OSBPL5: variants seen among roughly 807,000 people sequenced by gnomAD.
OSBPL5 encodes the protein oxysterol-binding protein-related protein 5.
A neutral mutation model predicts 111.2 loss-of-function variants in OSBPL5; 71 were observed. That is an observed-to-expected ratio of 0.64 (90% CI 0.53 to 0.78). OSBPL5 has a LOEUF of 0.78. OSBPL5 is among the 30% of genes least tolerant of loss of function. OSBPL5 has a pLI of 0.00. For synonymous variants in OSBPL5, 549 were observed against 513.9 expected (o/e 1.07, Z -0.93); for missense variants, 1,210 against 1,189.3 (o/e 1.02, Z -0.26).
In OSBPL5 at chr11:3,136,784, G is replaced by A. The variant is rs373936680; in HGVS notation, c.-21-7615C>T. Reference sequence around the variant, plus strand: ...GCCCAGAGTGACAGGGCTGGGCCGCGCTGCATGGGGGCAGAGAGGAGGCTC... The same window carrying A: ...GCCCAGAGTGACAGGGCTGGGCCGCACTGCATGGGGGCAGAGAGGAGGCTC... On this transcript the variant is annotated intron_variant, in intron 1 of 21. Transcript: ENST00000263650. Among the ~76,000 whole-genome samples the A allele has an allele frequency of 2.0e-5, 3 of 152,344 alleles. No homozygotes were observed. The South Asian group carries it at 6.2e-4, about 32-fold the overall frequency.
At chr11:3,160,039 T>A (rs1846907737) in intron 1 of OSBPL5, among the ~76,000 whole-genome samples, 1 of 152,020 alleles carries the variant, frequency 6.6e-6, no homozygotes, top group African/African-American at 2.4e-5. Flanking sequence ...CCCAGCCCCC[T>A]CCCTGCCCTG....
intron 1 of OSBPL5, among the ~76,000 whole-genome samples, chr11:3,133,836 G>A (rs1209669541): frequency 1.3e-5 from 2 of 152,244 alleles, no homozygotes; most frequent in African/African-American, 4.8e-5. Context: ...AAGAGGAAGT[G>A]TGGGCAATTC....
Position 3,093,937 on chromosome 11 carries a change from G to A in OSBPL5, c.1720-102C>T, listed in dbSNP as rs1391340458. 9 of 1,414,200 alleles carry A rather than the reference G, an allele frequency of 6.4e-6. No individual in the cohort carries two copies. In the Admixed American group the frequency reaches 8.1e-5, roughly 13 times the overall value. The allele number at this position is 1,414,200 out of a possible 1,614,324, so 87.6% of individuals were successfully genotyped here. On this transcript the variant is annotated intron_variant, in intron 15 of 21. Transcript: ENST00000263650. ...GAACAGTTATTCTCTTGGGGTGCCT[G>A]GGAGCCCAGGAGGGATGGACCCAAC...
rs193066227 is a variant in OSBPL5, at chr11:3,131,637, G to A, written c.-21-2468C>T. On this transcript the variant is annotated intron_variant, in intron 1 of 21. Transcript: ENST00000263650. ...CATCCATCTGTCTATTCATCCACCC[G>A]TCTATTCATCCATCCATCTACTGTC... Among the ~76,000 whole-genome samples the A allele has an allele frequency of 5.9e-3, 651 of 109,980 alleles. 11 individuals carry two copies. The highest frequency in any genetic ancestry group is 0.022 in the African/African-American group (612 of 27,626). The allele number at this position is 109,980 out of a possible 152,430, so 72.2% of individuals were successfully genotyped here. A position where few individuals can be genotyped will look rare whatever the true frequency, so the allele number is the denominator to read the frequency against.
At chr11:3,157,221 G>A (rs1846797549) in intron 1 of OSBPL5, among the ~76,000 whole-genome samples, 1 of 152,234 alleles carries the variant, frequency 6.6e-6, no homozygotes, top group African/African-American at 2.4e-5. Flanking sequence ...TGCTTCCCGA[G>A]CACGTGGGAA....
At chr11:3,127,888 C>G (rs1372024252) in intron 2 of OSBPL5, among the ~76,000 whole-genome samples, 2 of 152,178 alleles carry the variant, frequency 1.3e-5, no homozygotes, top group Non-Finnish European at 2.9e-5. Flanking sequence ...CGGAAAAGGC[C>G]CTTCCCAGCA....
At chr11:3,100,719 C>T (rs1857424543) in intron 13 of OSBPL5, among the ~76,000 whole-genome samples, 1 of 152,136 alleles carries the variant, frequency 6.6e-6, no homozygotes, top group South Asian at 2.1e-4. Context: ...ACACACCCAG[C>T]AGAGAGCCGA....
intron 1 of OSBPL5, among the ~76,000 whole-genome samples, chr11:3,155,526 CTCACTCACCCCAGCTCTGCCACT>C (rs1168076977): frequency 1.0e-4 from 7 of 68,702 alleles, no homozygotes; most frequent in Non-Finnish European, 2.3e-4. Flanking sequence ...AGGTCTGCCA[CTCACTCACCCCAGCTCTGCCACT>C]CACTCACCCC....
intron 3 of OSBPL5, among the ~76,000 whole-genome samples, chr11:3,123,768 T>G (rs1382125417): frequency 6.6e-6 from 1 of 152,190 alleles, no homozygotes; most frequent in Non-Finnish European, 1.5e-5. Context: ...CCTGTTCGGG[T>G]GCTGCCTGTA....
In OSBPL5 at chr11:3,156,270, G is replaced by A. The variant is rs58010917; in HGVS notation, c.-22+8946C>T. Among the ~76,000 whole-genome samples, 15 of 152,326 alleles carry A rather than the reference G, an allele frequency of 9.8e-5. No individual in the cohort carries two copies. The East Asian group carries it at 1.7e-3, about 18-fold the overall frequency. ...AATGGAACTACCAGAATGTCCTTCC[G>A]AAGGATGGAAATCCGTGTGATTTAT... On this transcript the variant is annotated intron_variant, in intron 1 of 21. Coordinates refer to ENST00000263650, the MANE Select transcript of OSBPL5 (RefSeq NM_020896.4).
At position 3,155,049 on chromosome 11, in the gene OSBPL5, A is replaced by T. The variant is rs538071330; in HGVS notation, c.-22+10167T>A. ...CACACAGAGGGATGACCCTGCAAGG[A>T]CACAGGGAGAAAGAAGGTGGTTATC... On this transcript the variant is annotated intron_variant, in intron 1 of 21. Coordinates refer to ENST00000263650, the MANE Select transcript of OSBPL5 (RefSeq NM_020896.4). Among the ~76,000 whole-genome samples the T allele has an allele frequency of 4.6e-5, 7 of 152,344 alleles. No homozygotes were observed. The East Asian group carries it at 1.3e-3, about 29-fold the overall frequency.
chr11:3,161,144 G>T lies in OSBPL5; in HGVS notation c.-22+4072C>A, dbSNP rs1039979134. The T allele has an allele frequency of 1.1e-4, 16 of 152,164 alleles. No homozygotes were observed. The highest frequency in any genetic ancestry group is 1.5e-5 in the Non-Finnish European group (1 of 68,020). 9.4% of individuals were successfully genotyped at this position (152,164 alleles called of 1,614,324 possible). On this transcript the variant is annotated intron_variant, in intron 1 of 21. Transcript: ENST00000263650. The surrounding 1 kb of genome is among the most constrained non-coding windows in gnomAD (Gnocchi z 8.0). ...CCTGTTTTCCACTTAAAATCCCTAAGAATGTACATATTTAGAAGGAATACT... is the reference window on the plus strand; with the variant it reads ...CCTGTTTTCCACTTAAAATCCCTAATAATGTACATATTTAGAAGGAATACT...
intron 14 of OSBPL5, 112 bp from the exon 15 acceptor site, chr11:3,094,446 G>A (rs1357062078): frequency 1.2e-5 from 9 of 780,052 alleles, no homozygotes; most frequent in South Asian, 4.7e-5. Context: ...CAGCAGCACC[G>A]ATCCCTGGGA....
intron 6 of OSBPL5, chr11:3,120,045 A>C: frequency 7.1e-6 from 3 of 421,660 alleles, no homozygotes; most frequent in Non-Finnish European, 4.3e-6. Flanking sequence ...AAATGTAACC[A>C]GGTGTTCAGG....
At chr11:3,127,343 C>CA (rs1858662245) in intron 2 of OSBPL5, among the ~76,000 whole-genome samples, 1 of 152,228 alleles carries the variant, frequency 6.6e-6, no homozygotes, top group South Asian at 2.1e-4. Flanking sequence ...AGGCCAGCAA[C>CA]AGGCTGGGTG....
intron 1 of OSBPL5, among the ~76,000 whole-genome samples, chr11:3,145,454 C>T (rs1433584880): frequency 2.6e-5 from 4 of 152,234 alleles, no homozygotes; most frequent in Non-Finnish European, 4.4e-5. Context: ...TCCCACTGCC[C>T]CACAGCCTCC....
chr11:3,115,985 T>C (rs183789801), intron 7 of OSBPL5, among the ~76,000 whole-genome samples: 23 of 152,240 alleles, frequency 1.5e-4, no homozygotes, highest in Admixed American at 1.5e-3. Flanking sequence ...CTTTAAAATT[T>C]GACAAACTTT....
chr11:3,153,084 C>T (rs145559148), intron 1 of OSBPL5, among the ~76,000 whole-genome samples: 308 of 152,116 alleles, frequency 2.0e-3, no homozygotes, highest in African/African-American at 7.0e-3. Context: ...ATCCCCCAGG[C>T]GCCAGGGGGT....
chr11:3,098,494 A>ATTTTTTTTTT (rs1564825723), intron 14 of OSBPL5, among the ~76,000 whole-genome samples: 1 of 110,764 alleles, frequency 9.0e-6, no homozygotes, highest in Non-Finnish European at 1.8e-5. Flanking sequence ...GACATGAAGG[A>ATTTTTTTTTT]ATTTTTTTTT....
Sources: gnomAD v4.1 joint callset for allele counts (sites outside exome capture counted in the v4.1 genomes callset) on GRCh38, gnomAD v4.1.1 for gene constraint, Gnocchi (gnomAD v3.1) non-coding constraint, MANE v1.5 for transcripts, NCBI Gene and HGNC (gene_info 2026-07-23, HGNC 2026-07-21) for gene names.